DYNC1I1: variants seen among roughly 807,000 people sequenced by gnomAD.
DYNC1I1 encodes the protein cytoplasmic dynein 1 intermediate chain 1.
A neutral mutation model predicts 86.6 loss-of-function variants in DYNC1I1; 43 were observed. The observed-to-expected ratio is 0.50, with a 90% CI of 0.39 to 0.64. The LOEUF is 0.64. DYNC1I1 is among the 30% of genes least tolerant of loss of function. The pLI is 0.00. For synonymous variants in DYNC1I1, 262 were observed against 283.7 expected (o/e 0.92, Z 0.77); for missense variants, 604 against 788.8 (o/e 0.77, Z 2.81).
intron 6 of DYNC1I1, among the ~76,000 whole-genome samples, chr7:95,924,360 C>T (rs1791687223): frequency 6.6e-6 from 1 of 152,130 alleles, no homozygotes; most frequent in Non-Finnish European, 1.5e-5. Flanking sequence ...GTACTAAATA[C>T]ACACTGGATT....
At chr7:95,841,793 G>C (rs1789289677) in intron 5 of DYNC1I1, among the ~76,000 whole-genome samples, 1 of 152,212 alleles carries the variant, frequency 6.6e-6, no homozygotes, top group Non-Finnish European at 1.5e-5. Flanking sequence ...GGCAGCAGCT[G>C]AAAAAGTCAG....
At chr7:96,102,784 T>C (rs1791154165), downstream of DYNC1I1, among the ~76,000 whole-genome samples, 1 of 152,182 alleles carries the variant, frequency 6.6e-6, no homozygotes, top group African/African-American at 2.4e-5. Flanking sequence ...GTTGGAAAAT[T>C]ATAGTAGTGG....
chr7:95,854,542 C>T (rs532309339), intron 5 of DYNC1I1, among the ~76,000 whole-genome samples: 5 of 151,908 alleles, frequency 3.3e-5, no homozygotes, highest in Admixed American at 1.3e-4. Flanking sequence ...TTCTTTTAAC[C>T]TTCATGTTAA....
chr7:96,062,568 G>C (rs1416809730), intron 14 of DYNC1I1, among the ~76,000 whole-genome samples: 2 of 151,936 alleles, frequency 1.3e-5, no homozygotes, highest in Admixed American at 1.3e-4. Context: ...ATATTCTTCT[G>C]ATCTTCTGTC....
chr7:95,813,219 T>C (rs374055417), intron 3 of DYNC1I1, 28 bp from the exon 4 acceptor site: 14 of 1,612,920 alleles, frequency 8.7e-6, no homozygotes, highest in Non-Finnish European at 1.2e-5. Context: ...TTTTTTAACA[T>C]GGGATACCTG....
chr7:95,774,487 C>A (rs1793790896), intron 1 of DYNC1I1, among the ~76,000 whole-genome samples: 1 of 152,092 alleles, frequency 6.6e-6, no homozygotes, highest in South Asian at 2.1e-4. Flanking sequence ...TTAGGTAAAT[C>A]ACCAGTAGGG....
At chr7:96,039,546 T>A in intron 14 of DYNC1I1, 125 bp downstream of exon 14, 1 of 1,153,194 alleles carries the variant, frequency 8.7e-7, no homozygotes, top group Admixed American at 2.1e-5. Context: ...TCATATACCT[T>A]CTGGTGAGCT....
intron 1 of DYNC1I1, among the ~76,000 whole-genome samples, chr7:95,783,895 G>T (rs1320804537): frequency 6.6e-6 from 1 of 152,204 alleles, no homozygotes; most frequent in Non-Finnish European, 1.5e-5. Flanking sequence ...CATAATAATA[G>T]TATCTACTTC....
chr7:95,918,348 G>A (rs1791521956), intron 6 of DYNC1I1, among the ~76,000 whole-genome samples: 1 of 152,166 alleles, frequency 6.6e-6, no homozygotes, highest in African/African-American at 2.4e-5. Context: ...TGTTGGTGTT[G>A]TTGTTCCTGT....
chr7:95,956,153 C>T (rs183919126), intron 6 of DYNC1I1, among the ~76,000 whole-genome samples: 8 of 152,224 alleles, frequency 5.3e-5, no homozygotes, highest in Admixed American at 5.2e-4. Context: ...CCAGTTTCTT[C>T]TCTGGGTACC....
rs547349812 is a variant in DYNC1I1, at chr7:95,803,303, G to A, written c.-9-1418G>A. On this transcript the variant is annotated intron_variant, in intron 1 of 16. Coordinates refer to ENST00000447467, the MANE Select transcript of DYNC1I1 (RefSeq NM_001135556.2). ...GCATGTCCACAAATTTGAGCTATAC[G>A]CTCTTTGAAGGAGAGAATCTGGTTT... 7.2e-5 allele frequency among the ~76,000 whole-genome samples: 11 copies of A among 152,256 alleles called. No homozygotes were observed. The South Asian group carries it at 1.9e-3, about 26-fold the overall frequency.
At chr7:95,961,234 C>T (rs944913665) in intron 6 of DYNC1I1, among the ~76,000 whole-genome samples, 11 of 152,096 alleles carry the variant, frequency 7.2e-5, no homozygotes. Context: ...GGAGAGAGCA[C>T]TGGAGAGAGA....
intron 14 of DYNC1I1, among the ~76,000 whole-genome samples, chr7:96,070,892 G>C (rs1181592319): frequency 2.0e-5 from 3 of 152,134 alleles, no homozygotes; most frequent in Non-Finnish European, 4.4e-5. Context: ...CTCACCTCTT[G>C]TGAAATCATT....
At chr7:95,811,725 C>T (rs1422229660) in intron 3 of DYNC1I1, among the ~76,000 whole-genome samples, 1 of 151,992 alleles carries the variant, frequency 6.6e-6, no homozygotes, top group Non-Finnish European at 1.5e-5. Flanking sequence ...GAAGATGTAA[C>T]CTAGGGGACG....
At chr7:95,777,998 A>G (rs1294473198) in intron 1 of DYNC1I1, among the ~76,000 whole-genome samples, 1 of 152,210 alleles carries the variant, frequency 6.6e-6, no homozygotes, top group African/African-American at 2.4e-5. Context: ...TTGACAGTTA[A>G]AAATAAAACC....
Position 95,790,626 on chromosome 7 carries a change from A to G in DYNC1I1, c.-9-14095A>G, listed in dbSNP as rs1255034325. Among the ~76,000 whole-genome samples the G allele has an allele frequency of 2.6e-5, 4 of 152,260 alleles. No individual in the cohort carries two copies. The South Asian group carries it at 6.2e-4, about 24-fold the overall frequency. On this transcript the variant is annotated intron_variant, in intron 1 of 16. Transcript: ENST00000447467. ...ATTCTTTATCATCTGTTGAACAAACATTAGAAGGAAAACTGCTGACATAAA... is the reference window on the plus strand; with the variant it reads ...ATTCTTTATCATCTGTTGAACAAACGTTAGAAGGAAAACTGCTGACATAAA...
chr7:95,776,215 C>T (rs772091675), intron 1 of DYNC1I1, among the ~76,000 whole-genome samples: 10 of 152,160 alleles, frequency 6.6e-5, no homozygotes, highest in Non-Finnish European at 1.3e-4. Flanking sequence ...AATTATTCCT[C>T]TTGACAGAGA....
At chr7:96,081,078 G>A (rs11981027) in intron 16 of DYNC1I1, among the ~76,000 whole-genome samples, 50,182 of 135,140 alleles carry the variant, frequency 0.37, 10,735 homozygotes, top group African/African-American at 0.53. Flanking sequence ...AAAAAAAAAA[G>A]AAAAAGAAAA....
At chr7:96,069,832 A>T (rs906091386) in intron 14 of DYNC1I1, among the ~76,000 whole-genome samples, 12 of 152,220 alleles carry the variant, frequency 7.9e-5, no homozygotes, top group African/African-American at 2.2e-4. Flanking sequence ...AACACCTTTC[A>T]TGTGGCTTCA....
Sources: gnomAD v4.1 joint callset for allele counts (sites outside exome capture counted in the v4.1 genomes callset) on GRCh38, gnomAD v4.1.1 for gene constraint, MANE v1.5 for transcripts, NCBI Gene and HGNC (gene_info 2026-07-23, HGNC 2026-07-21) for gene names.